The following NEBL variants were observed in gnomAD, a reference collection of about 807,000 sequenced individuals.
The protein encoded by NEBL is nebulette.
Under a neutral mutation model 140.2 loss-of-function variants are expected in NEBL, and 122 were observed. That is an observed-to-expected ratio of 0.87 (90% CI 0.75 to 1.01). The LOEUF (loss-of-function observed/expected upper bound fraction) is 1.01, where lower values mean the gene tolerates loss of function less well. Ranked by LOEUF, NEBL falls within the 50% of genes least tolerant of loss-of-function variation. The pLI, the probability that NEBL is intolerant of heterozygous loss-of-function variation, is 0.00. For missense variants in NEBL, 1,365 were observed against 1,231.3 expected (o/e 1.11, Z -1.62); for synonymous variants, 436 against 398.9 (o/e 1.09, Z -1.11).
At chr10:20,983,319 T>A (rs1191477499) in intron 3 of NEBL, among the ~76,000 whole-genome samples, 1 of 152,168 alleles carries the variant, frequency 6.6e-6, no homozygotes, top group Non-Finnish European at 1.5e-5. Context: ...CAAATACACA[T>A]AAAATCAGTG....
intron 3 of NEBL, among the ~76,000 whole-genome samples, chr10:21,219,871 T>G (rs1842042997): frequency 6.6e-6 from 1 of 151,954 alleles, no homozygotes; most frequent in Admixed American, 6.6e-5. Context: ...TTTTTTTTTT[T>G]TTTTGGAAAG....
At chr10:20,997,270 C>A (rs1444711336) in intron 3 of NEBL, among the ~76,000 whole-genome samples, 8 of 151,728 alleles carry the variant, frequency 5.3e-5, no homozygotes, top group Non-Finnish European at 1.2e-4. Flanking sequence ...GGCTCCCTGC[C>A]CTCTCAATCT....
chr10:21,051,929 C>T (rs1205055993), intron 2 of NEBL, among the ~76,000 whole-genome samples: 2 of 151,956 alleles, frequency 1.3e-5, no homozygotes, highest in East Asian at 1.9e-4. Context: ...CCCAGCTACT[C>T]GGGAGGCTGA....
At position 21,200,308 on chromosome 10, in the gene NEBL, C is replaced by CTTTTT. The variant is rs10671099; in HGVS notation, n.349-27836_349-27832dup. ...GTGTGAAGTGACATATTCCAAGGGA[C>CTTTTT]TTTTTTTTTTTTTTTTTTTTTTTGA... On this transcript the variant is annotated intron_variant and non_coding_transcript_variant, in intron 3 of 8. Coordinates refer to the NEBL transcript ENST00000675702. Among the ~76,000 whole-genome samples the CTTTTT allele has an allele frequency of 5.0e-3, 410 of 81,956 alleles. 35 individuals carry two copies. The highest frequency in any genetic ancestry group is 0.017 in the African/African-American group (337 of 19,336). The allele number at this position is 81,956 out of a possible 152,430, so 53.8% of individuals were successfully genotyped here. A position where few individuals can be genotyped will look rare whatever the true frequency, so the allele number is the denominator to read the frequency against.
chr10:21,215,346 G>T (rs1023054498), intron 3 of NEBL, among the ~76,000 whole-genome samples: 1 of 152,092 alleles, frequency 6.6e-6, no homozygotes, highest in Non-Finnish European at 1.5e-5. Flanking sequence ...CACAAATGAA[G>T]AATATGTGTT....
At chr10:20,971,764 C>A (rs1176383247) in intron 3 of NEBL, among the ~76,000 whole-genome samples, 1 of 152,036 alleles carries the variant, frequency 6.6e-6, no homozygotes, top group African/African-American at 2.4e-5. Flanking sequence ...TAGGCGCCCA[C>A]CACCACACCC....
In NEBL at chr10:20,787,206, T is replaced by G; in HGVS notation, c.2864A>C (p.Asn955Thr). The G allele has an allele frequency of 6.2e-7, 1 of 1,607,298 alleles. No homozygotes were observed. The change falls in exon 27 of 28, where the codon AAT becomes ACT. Residue 955 changes from asparagine (N) to threonine (T), a missense_variant. Around this residue, in one of 2 missense-constraint regions of NEBL, gnomAD observed 1,323 missense variants for 1,154.8 expected, o/e 1.15. Coordinates refer to ENST00000377122, the MANE Select transcript of NEBL (RefSeq NM_006393.3). Reference protein sequence around the residue: ...SSMRSMQHSPNLRTYRAMYDY... With the variant: ...SSMRSMQHSPTLRTYRAMYDY... ...ACGTATCAAATGGACACTTACTAGA[T>G]TTGGTGAATGCTGCATTGATCTCAT...
intron 18 of NEBL, among the ~76,000 whole-genome samples, chr10:20,823,941 C>G (rs940054362): frequency 3.3e-5 from 5 of 152,110 alleles, no homozygotes; most frequent in Non-Finnish European, 5.9e-5. Context: ...TCCACACAAT[C>G]ACATTAGGAA....
intron 2 of NEBL, among the ~76,000 whole-genome samples, chr10:21,108,983 C>T (rs11012526): frequency 0.038 from 5,767 of 152,106 alleles, 263 homozygotes; most frequent in East Asian, 0.23. Context: ...ATTGGAATAC[C>T]GTTTATTTCT....
chr10:20,928,704 C>T (rs1834029194), intron 4 of NEBL, among the ~76,000 whole-genome samples: 1 of 152,156 alleles, frequency 6.6e-6, no homozygotes, highest in Admixed American at 6.6e-5. Context: ...TGAATTATAT[C>T]CCCTTCTTTC....
chr10:20,891,659 C>T (rs146942028), intron 2 of NEBL, among the ~76,000 whole-genome samples: 1 of 152,076 alleles, frequency 6.6e-6, no homozygotes, highest in African/African-American at 2.4e-5. Context: ...AGACAAATAG[C>T]TCAGTCTTAA....
chr10:21,154,934 C>T (rs1325527546), intron 2 of NEBL, among the ~76,000 whole-genome samples: 1 of 152,228 alleles, frequency 6.6e-6, no homozygotes, highest in Non-Finnish European at 1.5e-5. Flanking sequence ...GGCGTAGTGG[C>T]TCACGCCTGT....
chr10:20,972,185 G>A (rs1410480243), intron 3 of NEBL, among the ~76,000 whole-genome samples: 8 of 152,162 alleles, frequency 5.3e-5, no homozygotes, highest in Non-Finnish European at 1.2e-4. Flanking sequence ...AAACAGTCAT[G>A]AAAGTGAAAA....
At chr10:21,203,002 C>T (rs573055337) in intron 3 of NEBL, among the ~76,000 whole-genome samples, 5 of 152,118 alleles carry the variant, frequency 3.3e-5, no homozygotes, top group Non-Finnish European at 7.3e-5. Flanking sequence ...AGTTTGGCAA[C>T]GCATTTATTT....
chr10:21,288,850 A>ATATATATATATATAT (rs1554836851), intron 1 of NEBL, among the ~76,000 whole-genome samples: 127 of 73,150 alleles, frequency 1.7e-3, no homozygotes, highest in South Asian at 2.5e-3. Flanking sequence ...ATATATATAT[A>ATATATATATATATAT]AAAATTTTTT....
chr10:21,268,761 G>A (rs1842827989), intron 1 of NEBL, among the ~76,000 whole-genome samples: 1 of 151,876 alleles, frequency 6.6e-6, no homozygotes, highest in South Asian at 2.1e-4. Context: ...CTGACCTCAA[G>A]TGATCCACCC....
chr10:20,823,254 G>A lies in NEBL; in HGVS notation c.1916C>T (p.Pro639Leu), dbSNP rs1839526149. The A allele has an allele frequency of 6.2e-7, 1 of 1,609,656 alleles. No individual in the cohort carries two copies. The highest frequency in any genetic ancestry group is 8.5e-7 in the Non-Finnish European group (1 of 1,178,184). The change falls in exon 19 of 28, where the codon CCT (proline) becomes CTT (leucine). Residue 639 changes from proline (P) to leucine (L), a missense_variant. Around this residue, in one of 2 missense-constraint regions of NEBL, gnomAD observed 1,323 missense variants for 1,154.8 expected, o/e 1.15. Transcript: ENST00000377122. ...TTCTTTAACTCTCTTTAGTTCTGGA[G>A]GATCAGAAATGGCTGTTGCATGTTT... is the stretch of plus-strand genomic sequence containing the variant. The part of the protein sequence containing the change: ...EIKHATAISD[P>L]PELKRVKENQ...
At chr10:21,073,813 G>A (rs968714550) in intron 2 of NEBL, among the ~76,000 whole-genome samples, 1 of 151,972 alleles carries the variant, frequency 6.6e-6, no homozygotes, top group African/African-American at 2.4e-5. Flanking sequence ...GGTGGCTCAC[G>A]CCTGTAATCC....
chr10:21,078,597 G>A (rs146640211), intron 2 of NEBL, among the ~76,000 whole-genome samples: 10 of 152,230 alleles, frequency 6.6e-5, no homozygotes, highest in Admixed American at 2.0e-4. Flanking sequence ...CTGTATACAC[G>A]TATGCAGAGG....
Sources: gnomAD v4.1 joint callset for allele counts (sites outside exome capture counted in the v4.1 genomes callset) on GRCh38, gnomAD v4.1.1 for gene constraint, gnomAD v4.1.1 regional missense constraint, MANE v1.5 for transcripts, NCBI Gene and HGNC (gene_info 2026-07-23, HGNC 2026-07-21) for gene names.